TAF2: variants seen among roughly 807,000 people sequenced by gnomAD.
The protein encoded by TAF2 is TATA-box binding protein associated factor 2.
A neutral mutation model predicts 138.5 loss-of-function variants in TAF2; 61 were observed. That is an observed-to-expected ratio of 0.44 (90% CI 0.36 to 0.54). TAF2 has a LOEUF of 0.54. TAF2 is among the 20% of genes least tolerant of loss of function. The pLI, the probability that TAF2 is intolerant of heterozygous loss-of-function variation, is 0.00. For synonymous variants in TAF2, 475 were observed against 469.9 expected (o/e 1.01, Z -0.14); for missense variants, 1,090 against 1,427.9 (o/e 0.76, Z 3.81).
At chr8:119,781,232 A>C (rs773655873) in intron 16 of TAF2, 39 bp from the exon 17 acceptor site, 5 of 1,611,642 alleles carry the variant, frequency 3.1e-6, no homozygotes, top group Non-Finnish European at 4.2e-6. Context: ...TCCATTACCA[A>C]TGCAAACATA....
chr8:119,809,433 G>C (rs988490076), intron 3 of TAF2, among the ~76,000 whole-genome samples: 11 of 152,116 alleles, frequency 7.2e-5, no homozygotes, highest in African/African-American at 2.7e-4. Context: ...CAATAAGACT[G>C]TTTCATTTTC....
At chr8:119,784,125 C>A (rs565612550) in intron 15 of TAF2, among the ~76,000 whole-genome samples, 1 of 152,264 alleles carries the variant, frequency 6.6e-6, no homozygotes, top group Non-Finnish European at 1.5e-5. Flanking sequence ...CTCAAAGTAA[C>A]AAACACAGTT....
chr8:119,751,651 C>T (rs1586319323), intron 22 of TAF2, among the ~76,000 whole-genome samples: 2 of 152,112 alleles, frequency 1.3e-5, no homozygotes, highest in Middle Eastern at 6.8e-3. Flanking sequence ...AGTTAATACA[C>T]AGAAAACATA....
At chr8:119,817,888 T>G (rs1825578068) in intron 3 of TAF2, among the ~76,000 whole-genome samples, 1 of 152,228 alleles carries the variant, frequency 6.6e-6, no homozygotes, top group African/African-American at 2.4e-5. Context: ...GTTTTTGTTT[T>G]CTGGGGGGAA....
At chr8:119,741,144 G>T (rs573849980) in intron 25 of TAF2, among the ~76,000 whole-genome samples, 1 of 152,062 alleles carries the variant, frequency 6.6e-6, no homozygotes, top group Admixed American at 6.5e-5. Flanking sequence ...AAGCAATAAG[G>T]ATCAATGATA....
chr8:119,732,303 A>T (rs1346847170), intron 25 of TAF2, 117 bp from the exon 26 acceptor site: 3 of 902,292 alleles, frequency 3.3e-6, no homozygotes, highest in African/African-American at 1.7e-5. Flanking sequence ...TATCACTTCT[A>T]TCAGGAATGG....
intron 16 of TAF2, among the ~76,000 whole-genome samples, chr8:119,781,915 T>C (rs1487920879): frequency 1.3e-5 from 2 of 152,140 alleles, no homozygotes; most frequent in African/African-American, 4.8e-5. Context: ...CTTGAACTAT[T>C]GACCTCAAGT....
intron 18 of TAF2, among the ~76,000 whole-genome samples, chr8:119,776,133 C>T (rs1384434806): frequency 6.6e-6 from 1 of 152,056 alleles, no homozygotes; most frequent in Non-Finnish European, 1.5e-5. Flanking sequence ...CCCTAATATG[C>T]CTTATTCTGG....
chr8:119,811,472 G>A (rs1316322079), intron 3 of TAF2, among the ~76,000 whole-genome samples: 3 of 152,118 alleles, frequency 2.0e-5, no homozygotes, highest in Non-Finnish European at 4.4e-5. Flanking sequence ...AAAAATTAAA[G>A]TAATAAGCCA....
chr8:119,782,300 A>G (rs1822720833), intron 16 of TAF2, among the ~76,000 whole-genome samples: 1 of 152,184 alleles, frequency 6.6e-6, no homozygotes, highest in South Asian at 2.1e-4. Context: ...TTTTTAGGGT[A>G]TATAAAAATC....
At chr8:119,767,818 G>A (rs1821542803) in intron 18 of TAF2, among the ~76,000 whole-genome samples, 1 of 152,200 alleles carries the variant, frequency 6.6e-6, no homozygotes, top group South Asian at 2.1e-4. Flanking sequence ...GCCACTGCAT[G>A]TGTATTTTGG....
chr8:119,800,037 C>T (rs76734763), intron 6 of TAF2, among the ~76,000 whole-genome samples: 13,123 of 152,128 alleles, frequency 0.086, 765 homozygotes, highest in Non-Finnish European at 0.12. Flanking sequence ...GTAGATTCTG[C>T]ATATTAGCCC....
chr8:119,740,936 T>A (rs143642597), intron 25 of TAF2, among the ~76,000 whole-genome samples: 7 of 152,190 alleles, frequency 4.6e-5, no homozygotes, highest in African/African-American at 1.7e-4. Flanking sequence ...ACTAGATCAG[T>A]CCATCTAACT....
At chr8:119,816,050 CTT>C (rs770573593) in intron 3 of TAF2, among the ~76,000 whole-genome samples, 22 of 133,878 alleles carry the variant, frequency 1.6e-4, no homozygotes, top group Non-Finnish European at 2.1e-4. Context: ...CACACTCTTT[CTT>C]TTTTTTTTTT....
chr8:119,753,048 T>C (rs1005084651), intron 22 of TAF2, among the ~76,000 whole-genome samples: 1 of 152,158 alleles, frequency 6.6e-6, no homozygotes, highest in African/African-American at 2.4e-5. Flanking sequence ...CAATCCTCAT[T>C]ACCATTTCTT....
At chr8:119,753,505 C>T (rs1820498559) in intron 22 of TAF2, among the ~76,000 whole-genome samples, 1 of 152,066 alleles carries the variant, frequency 6.6e-6, no homozygotes, top group African/African-American at 2.4e-5. Flanking sequence ...TCATATTGTT[C>T]TCATTTATTT....
intron 18 of TAF2, among the ~76,000 whole-genome samples, chr8:119,766,609 G>C (rs1456516645): frequency 6.6e-6 from 1 of 152,116 alleles, no homozygotes; most frequent in Non-Finnish European, 1.5e-5. Context: ...GGCCAAAACA[G>C]TGAAACCCTG....
chr8:119,779,876 G>C (rs1822519092), intron 17 of TAF2, among the ~76,000 whole-genome samples: 1 of 152,036 alleles, frequency 6.6e-6, no homozygotes, highest in African/African-American at 2.4e-5. Flanking sequence ...TCCAGAACTT[G>C]CTCAGCCGTC....
At position 119,731,444 on chromosome 8, in the gene TAF2, G is replaced by A. The variant is rs983380629; in HGVS notation, c.*480C>T. ...AAATGGTGCAATAAGGAAGAGTACT[G>A]TAGAAAAGCCACTGTCTTTTCAGTA... On this transcript the variant is annotated 3_prime_UTR_variant, in exon 26 of 26. Transcript: ENST00000378164. 6 of 166,490 alleles carry A rather than the reference G, an allele frequency of 3.6e-5. No homozygotes were observed. The highest frequency in any genetic ancestry group is 1.5e-4 in the South Asian group (1 of 6,496). 10.3% of individuals were successfully genotyped at this position (166,490 alleles called of 1,614,324 possible). A position where few individuals can be genotyped will look rare whatever the true frequency, so the allele number is the denominator to read the frequency against.
Sources: allele counts gnomAD v4.1 joint callset (sites outside exome capture counted in the v4.1 genomes callset), GRCh38; gene constraint gnomAD v4.1.1; transcripts MANE v1.5; gene names NCBI Gene and HGNC (gene_info 2026-07-23, HGNC 2026-07-21).